SREK1: variants seen among roughly 807,000 people sequenced by gnomAD.
SREK1 encodes splicing regulatory glutamine/lysine-rich protein 1.
In SREK1, 13 loss-of-function variants were observed where a neutral mutation model predicts 66.5. The ratio of observed to expected loss-of-function variants is 0.20; its 90% CI spans 0.13 to 0.31. SREK1 has a LOEUF of 0.31. Ranked by LOEUF, SREK1 falls within the 10% of genes least tolerant of loss-of-function variation. The pLI is 1.00. For synonymous variants in SREK1, 265 were observed against 263.5 expected (o/e 1.01, Z -0.05); for missense variants, 607 against 769.6 (o/e 0.79, Z 2.50).
intron 2 of SREK1, chr5:66,156,523 A>C (rs1325499528): frequency 7.1e-6 from 7 of 988,070 alleles, no homozygotes; most frequent in South Asian, 4.7e-5. Flanking sequence ...TGAAACATTA[A>C]AACACTGATA....
Position 66,151,834 on chromosome 5 carries a change from C to CTTTTTTT in SREK1, c.162-1606_162-1600dup, listed in dbSNP as rs60920757. ...TGAGTTGGATGCTAAGAGGTACATC[C>CTTTTTTT]TTTTTTTTTTTTTTTTTTTTTTTTT... On this transcript the variant is annotated intron_variant, in intron 1 of 11. Coordinates refer to ENST00000334121, the MANE Select transcript of SREK1 (RefSeq NM_001077199.3). Among the ~76,000 whole-genome samples the CTTTTTTT allele has an allele frequency of 2.5e-4, 21 of 84,786 alleles. 2 individuals are homozygous for CTTTTTTT. The highest frequency in any genetic ancestry group is 7.2e-4 in the African/African-American group (17 of 23,678). 55.6% of individuals were successfully genotyped at this position (84,786 alleles called of 152,430 possible). A position where few individuals can be genotyped will look rare whatever the true frequency, so the allele number is the denominator to read the frequency against.
rs776135795 is a variant in SREK1, at chr5:66,162,105, A to G, written c.412-4A>G. 3 of 1,606,038 alleles carry G rather than the reference A, an allele frequency of 1.9e-6. No homozygotes were observed. Among genetic ancestry groups the G allele is most frequent in the South Asian group, 1.1e-5 (1 of 89,050 alleles). ...TCTGTGTGTTTTTTTTCTTCTTTCG[A>G]TAGCTTGGTGTTTCACTTAGCAGTT... On this transcript the variant is annotated splice_polypyrimidine_tract_variant and splice_region_variant and intron_variant, in intron 3 of 11. Transcript: ENST00000334121.
chr5:66,153,721 T>G, intron 2 of SREK1, 125 bp downstream of exon 2: 1 of 1,265,160 alleles, frequency 7.9e-7, no homozygotes, highest in Non-Finnish European at 1.1e-6. Flanking sequence ...GAATGAAATT[T>G]GGAGGAGGTA....
rs905406447 is a variant in SREK1, at chr5:66,183,238, G to T, written c.*4370G>T. ...TAGACATAATTTCTTAACTACATATGTAAGTATAAATTCATAAAAATCACA... is the reference window on the plus strand; with the variant it reads ...TAGACATAATTTCTTAACTACATATTTAAGTATAAATTCATAAAAATCACA... On this transcript the variant is annotated 3_prime_UTR_variant, in exon 12 of 12. Coordinates refer to ENST00000334121, the MANE Select transcript of SREK1 (RefSeq NM_001077199.3). 1 of 152,040 alleles carries T rather than the reference G, an allele frequency of 6.6e-6. No individual in the cohort carries two copies. Among genetic ancestry groups the T allele is most frequent in the African/African-American group, 2.4e-5 (1 of 41,390 alleles). 9.4% of individuals were successfully genotyped at this position (152,040 alleles called of 1,614,324 possible). A position where few individuals can be genotyped will look rare whatever the true frequency, so the allele number is the denominator to read the frequency against.
At chr5:66,169,457 C>CA (rs1188466721) in intron 7 of SREK1, 2 of 152,096 alleles carry the variant, frequency 1.3e-5, no homozygotes, top group Admixed American at 1.3e-4. Flanking sequence ...CGAAAATCTC[C>CA]AAAAATGTGA....
In SREK1 at chr5:66,162,608, CAAA is replaced by C; in HGVS notation, c.755+17_755+19del. ...GGCCACTGAAGTAAGAAATCCTAAA[CAAA>C]GAAATTTTAATGATTTTGAAACATT... is the stretch of plus-strand genomic sequence containing the variant. On this transcript the variant is annotated intron_variant, in intron 5 of 11. Coordinates refer to ENST00000334121, the MANE Select transcript of SREK1 (RefSeq NM_001077199.3). The C allele has an allele frequency of 6.4e-7, 1 of 1,557,098 alleles. No individual in the cohort carries two copies. Among genetic ancestry groups the C allele is most frequent in the South Asian group, 1.2e-5 (1 of 82,100 alleles).
At position 66,170,857 on chromosome 5, in the gene SREK1, A is replaced by G; in HGVS notation, c.1394A>G (p.Lys465Arg). ...AAGGAACGAGAAAAAGACAGATCCA[A>G]AGAGATAGATGAAAAAAGAAAGAAG... is the stretch of plus-strand genomic sequence containing the variant. ...KEKEREKDRS[K>R]EIDEKRKKDK... The change falls in exon 9 of 12, where the codon AAA becomes AGA. Residue 465 changes from lysine (K) to arginine (R), a missense_variant. Around this residue, in one of 5 missense-constraint regions of SREK1, gnomAD observed 318 missense variants for 310.3 expected, o/e 1.02. Transcript: ENST00000334121. 1 of 1,613,974 alleles carries G rather than the reference A, an allele frequency of 6.2e-7. No individual in the cohort carries two copies. Among genetic ancestry groups the G allele is most frequent in the South Asian group, 1.1e-5 (1 of 91,054 alleles).
At position 66,182,572 on chromosome 5, in the gene SREK1, CT is replaced by C. The variant is rs1198790136; in HGVS notation, c.*3708del. The C allele has an allele frequency of 4.0e-5, 6 of 151,868 alleles. No homozygotes were observed. The highest frequency in any genetic ancestry group is 6.6e-5 in the Admixed American group (1 of 15,242). 9.4% of individuals were successfully genotyped at this position (151,868 alleles called of 1,614,324 possible). ...GAAGAGTAATACATTATTATTATTA[CT>C]TTTCTTTTTGAGACAGGGTCTCACT... On this transcript the variant is annotated 3_prime_UTR_variant, in exon 12 of 12. Transcript: ENST00000334121.
At chr5:66,148,822 GT>G (rs35423236) in intron 1 of SREK1, among the ~76,000 whole-genome samples, 47,751 of 150,980 alleles carry the variant, frequency 0.32, 8,823 homozygotes, top group African/African-American at 0.5. Context: ...CTTTTTATGT[GT>G]TTTTTTTTCC....
rs1217911888 is a variant in SREK1, at chr5:66,181,504, A to G, written c.*2636A>G. ...AGAAGACAGACATTTTATGCTTCAT[A>G]CTTTCTGTAATTATCTTTTGTAGCT... is the stretch of plus-strand genomic sequence containing the variant. On this transcript the variant is annotated 3_prime_UTR_variant, in exon 12 of 12. Coordinates refer to ENST00000334121, the MANE Select transcript of SREK1 (RefSeq NM_001077199.3). The G allele has an allele frequency of 6.6e-6, 1 of 152,134 alleles. No homozygotes were observed. Among genetic ancestry groups the G allele is most frequent in the East Asian group, 1.9e-4 (1 of 5,188 alleles). The allele number at this position is 152,134 out of a possible 1,614,324, so 9.4% of individuals were successfully genotyped here.
In SREK1 at chr5:66,170,059, C is replaced by T. The variant is rs750833769; in HGVS notation, c.1010C>T (p.Ser337Phe). The change falls in exon 8 of 12, where the codon TCC becomes TTC. Residue 337 changes from serine to phenylalanine, a missense_variant. Ser to Phe is a radical substitution (Grantham distance 155, BLOSUM62 -2). Coordinates refer to ENST00000334121, the MANE Select transcript of SREK1 (RefSeq NM_001077199.3). ...KRSQSKHRSR[S>F]HNRSRSRQKD... ...CAATTTTTTTTCTTTAGGAGTAGAT[C>T]CCATAATAGATCACGTTCAAGACAG... is the stretch of plus-strand genomic sequence containing the variant. 6.3e-7 allele frequency: 1 copy of T among 1,595,584 alleles called. No individual in the cohort carries two copies. Among genetic ancestry groups the T allele is most frequent in the Non-Finnish European group, 8.5e-7 (1 of 1,172,078 alleles).
intron 1 of SREK1, among the ~76,000 whole-genome samples, chr5:66,146,972 T>G (rs1423578004): frequency 6.6e-6 from 1 of 152,184 alleles, no homozygotes; most frequent in Non-Finnish European, 1.5e-5. Flanking sequence ...TAGTCCTAGC[T>G]ACTCAGGAGG....
At position 66,160,255 on chromosome 5, in the gene SREK1, CT is replaced by C. The variant is rs377730532; in HGVS notation, c.411+923del. On this transcript the variant is annotated intron_variant, in intron 3 of 11. Coordinates refer to ENST00000334121, the MANE Select transcript of SREK1 (RefSeq NM_001077199.3). The stretch of plus-strand genomic sequence containing the variant: ...ACATAGAACAAAATACAAAGCTTGC[CT>C]TAATTGGAAGTTGAATCTAGCTTTG... Among the ~76,000 whole-genome samples the C allele has an allele frequency of 6.0e-3, 906 of 152,170 alleles. 14 individuals are homozygous for C. Among genetic ancestry groups the C allele is most frequent in the African/African-American group, 0.021 (871 of 41,484 alleles).
chr5:66,175,564 G>A (rs1432199666), intron 10 of SREK1, among the ~76,000 whole-genome samples: 1 of 152,100 alleles, frequency 6.6e-6, no homozygotes, highest in African/African-American at 2.4e-5. Flanking sequence ...TTGGACTTAA[G>A]TTGTTTTTAG....
chr5:66,157,299 T>C (rs1280667896), intron 2 of SREK1: 1 of 984,576 alleles, frequency 1.0e-6, no homozygotes, highest in African/African-American at 1.7e-5. Context: ...TTTTGGCCAG[T>C]GTTGAATACC....
In SREK1 at chr5:66,162,016, GAGTT is replaced by G. The variant is rs1744813714; in HGVS notation, c.412-88_412-85del. 7.0e-6 allele frequency: 10 copies of G among 1,437,942 alleles called. No homozygotes were observed. In the South Asian group the frequency reaches 1.2e-4, roughly 17 times the overall value. The allele number at this position is 1,437,942 out of a possible 1,614,324, so 89.1% of individuals were successfully genotyped here. A position where few individuals can be genotyped will look rare whatever the true frequency, so the allele number is the denominator to read the frequency against. ...TCCCTAGTCTCCTTTCATTCTTGTT[GAGTT>G]AGTTCATTCTTTTCAAGATTAGAGA... On this transcript the variant is annotated intron_variant, in intron 3 of 11. Coordinates refer to ENST00000334121, the MANE Select transcript of SREK1 (RefSeq NM_001077199.3).
intron 1 of SREK1, among the ~76,000 whole-genome samples, chr5:66,152,736 A>G (rs992576775): frequency 2.0e-5 from 3 of 152,216 alleles, no homozygotes; most frequent in African/African-American, 7.2e-5. Flanking sequence ...AAAAGTAATT[A>G]TGGATAGGCT....
At chr5:66,177,834 T>G (rs534698303) in intron 11 of SREK1, among the ~76,000 whole-genome samples, 176 bp downstream of exon 11, 98 of 152,176 alleles carry the variant, frequency 6.4e-4, no homozygotes, top group African/African-American at 2.4e-3. Flanking sequence ...GTTGAAGAGA[T>G]AAGAGCCAAT....
rs1347646225 is a variant in SREK1 at position 66,166,820 on chromosome 5, A to G, written c.1001+1923A>G. The G allele has an allele frequency of 2.6e-5, 4 of 152,282 alleles. No individual in the cohort carries two copies. The East Asian group carries it at 5.8e-4, about 22-fold the overall frequency. 9.4% of individuals were successfully genotyped at this position (152,282 alleles called of 1,614,324 possible). A position where few individuals can be genotyped will look rare whatever the true frequency, so the allele number is the denominator to read the frequency against. On this transcript the variant is annotated intron_variant, in intron 7 of 11. Coordinates refer to ENST00000334121, the MANE Select transcript of SREK1 (RefSeq NM_001077199.3). ...TTGTCAGCATATTCTGTTTTTGTGC[A>G]TGCATGTGGAAACATGTAGCCTTAA...
Sources: gnomAD v4.1 joint callset for allele counts (sites outside exome capture counted in the v4.1 genomes callset) on GRCh38, gnomAD v4.1.1 for gene constraint, gnomAD v4.1.1 regional missense constraint, MANE v1.5 for transcripts, NCBI Gene and HGNC (gene_info 2026-07-23, HGNC 2026-07-21) for gene names.